The following SYNE2 variants were observed in gnomAD, a reference collection of about 807,000 sequenced individuals.
SYNE2 encodes spectrin repeat containing nuclear envelope protein 2.
A neutral mutation model predicts 856.3 loss-of-function variants in SYNE2; 431 were observed. The observed-to-expected ratio is 0.50, with a 90% CI of 0.47 to 0.55. The LOEUF is 0.55. Ranked by LOEUF, SYNE2 falls within the 20% of genes least tolerant of loss-of-function variation. The probability of loss-of-function intolerance (pLI) is 0.00; values close to 1 mark genes in which losing one functional copy is unlikely to be tolerated. For missense variants in SYNE2, 8,129 were observed against 8,023.2 expected (o/e 1.01, Z -0.50); for synonymous variants, 2,923 against 2,872.3 (o/e 1.02, Z -0.56).
At chr14:63,834,039 C>T (rs1038576350) in intron 1 of SYNE2, among the ~76,000 whole-genome samples, 4 of 152,276 alleles carry the variant, frequency 2.6e-5, no homozygotes, top group African/African-American at 7.2e-5. Context: ...ACAGAAGCTG[C>T]TCTATCTTCC....
chr14:64,095,123 A>T (rs1393202901), intron 61 of SYNE2: 1 of 170,548 alleles, frequency 5.9e-6, no homozygotes. Flanking sequence ...CCTAATGGAC[A>T]GATGTGGGTG....
chr14:63,845,039 T>C (rs1439027861), intron 1 of SYNE2, among the ~76,000 whole-genome samples: 2 of 152,220 alleles, frequency 1.3e-5, no homozygotes, highest in Admixed American at 1.3e-4. Flanking sequence ...ATCTTTATTT[T>C]TTCTAGTAAA....
chr14:64,120,795 A>G lies in SYNE2; in HGVS notation c.13024-132A>G. ...CAAAAACAAAAAATTATAGTATATA[A>G]TTATAGCAAATAACAAAATACCATC... On this transcript the variant is annotated intron_variant, in intron 67 of 115. Transcript: ENST00000555002. 3 of 962,350 alleles carry G rather than the reference A, an allele frequency of 3.1e-6. No individual in the cohort carries two copies. In the East Asian group the frequency reaches 8.0e-5, roughly 26 times the overall value. 59.6% of individuals were successfully genotyped at this position (962,350 alleles called of 1,614,324 possible). A position where few individuals can be genotyped will look rare whatever the true frequency, so the allele number is the denominator to read the frequency against.
At chr14:64,011,699 T>C (rs2096846896) in intron 32 of SYNE2, among the ~76,000 whole-genome samples, 1 of 152,222 alleles carries the variant, frequency 6.6e-6, no homozygotes, top group Admixed American at 6.5e-5. Flanking sequence ...CCTGTTTTGA[T>C]AAGTGTCAGT....
At chr14:63,942,470 C>T (rs1292470098) in intron 6 of SYNE2, among the ~76,000 whole-genome samples, 1 of 152,046 alleles carries the variant, frequency 6.6e-6, no homozygotes, top group Admixed American at 6.6e-5. Context: ...AGATGCGCGC[C>T]ACCATGCCTG....
chr14:63,937,533 G>T (rs1305657414), intron 2 of SYNE2, among the ~76,000 whole-genome samples: 1 of 152,218 alleles, frequency 6.6e-6, no homozygotes, highest in Admixed American at 6.5e-5. Flanking sequence ...CAGGTTGTTA[G>T]ATGAGTGGGT....
At chr14:64,221,131 C>G (rs958008878) in intron 111 of SYNE2, among the ~76,000 whole-genome samples, 2 of 152,080 alleles carry the variant, frequency 1.3e-5, no homozygotes, top group African/African-American at 4.8e-5. Context: ...ATAATCCTAG[C>G]CCAGTACCTG....
intron 34 of SYNE2, among the ~76,000 whole-genome samples, chr14:64,018,979 A>C (rs2096915887): frequency 1.3e-5 from 2 of 152,300 alleles, no homozygotes; most frequent in Non-Finnish European, 2.9e-5. Context: ...TATCATATAA[A>C]TTTGTTGTCA....
chr14:63,831,174 A>G (rs1889654949), intron 1 of SYNE2, among the ~76,000 whole-genome samples: 1 of 151,996 alleles, frequency 6.6e-6, no homozygotes, highest in Non-Finnish European at 1.5e-5. Context: ...TATTTTGGCG[A>G]TGCTCTTGAT....
At chr14:63,946,999 A>C (rs947028901) in intron 6 of SYNE2, among the ~76,000 whole-genome samples, 1 of 151,946 alleles carries the variant, frequency 6.6e-6, no homozygotes, top group African/African-American at 2.4e-5. Context: ...ACAGGTGTAC[A>C]CCACCATGTC....
intron 1 of SYNE2, among the ~76,000 whole-genome samples, chr14:63,835,448 G>A (rs1384743805): frequency 6.6e-6 from 1 of 151,866 alleles, no homozygotes; most frequent in Non-Finnish European, 1.5e-5. Context: ...GGCCAGGCTG[G>A]TCTCAAACTC....
intron 26 of SYNE2, 41 bp downstream of exon 26, chr14:63,998,369 T>C (rs2096728909): frequency 1.5e-6 from 2 of 1,343,860 alleles, no homozygotes; most frequent in East Asian, 2.3e-5. Context: ...CCACCAGAAG[T>C]CTTTCATCGA....
At chr14:63,919,235 A>G (rs142095066) in intron 2 of SYNE2, among the ~76,000 whole-genome samples, 2 of 152,350 alleles carry the variant, frequency 1.3e-5, no homozygotes, top group East Asian at 1.9e-4. Context: ...AGACTAGATT[A>G]TAATCAAGAA....
intron 96 of SYNE2, 140 bp from the exon 97 acceptor site, chr14:64,186,284 C>A: frequency 2.8e-6 from 3 of 1,074,880 alleles, no homozygotes; most frequent in Non-Finnish European, 4.3e-6. Context: ...TCGTCTTGGG[C>A]TGTTTCCCAT....
rs780000526 is a variant in SYNE2 at position 64,080,632 on chromosome 14, G to A, written c.11340G>A (p.Leu3780=). Residue 3780 remains leucine, a synonymous_variant, in exon 56 of 116, where the codon TTG becomes TTA. Transcript: ENST00000555002. ...GAGCAGAGTGTAGAACCTCACAGTT[G>A]AATAAGGTATGGCTGTGACTCGTAA... The part of the protein sequence containing the change: ...SQRAECRTSQ[L]NKATVKMEEY... 7.7e-5 allele frequency: 125 copies of A among 1,613,970 alleles called. 1 individual carries two copies. The South Asian group carries it at 9.9e-4, about 13-fold the overall frequency.
At chr14:64,048,965 CCACAACAATAAA>C (rs1206397271) in intron 46 of SYNE2, 8 of 150,068 alleles carry the variant, frequency 5.3e-5, no homozygotes, top group Admixed American at 5.3e-4. Context: ...AGCTAAGTTT[CCACAACAATAAA>C]CACGCATCTA....
intron 1 of SYNE2, among the ~76,000 whole-genome samples, chr14:63,858,627 A>G (rs1476079515): frequency 6.6e-6 from 1 of 152,052 alleles, no homozygotes; most frequent in Non-Finnish European, 1.5e-5. Flanking sequence ...TGATGGCATT[A>G]ATCCATTAAT....
At chr14:64,225,186 C>G in intron 115 of SYNE2, 133 bp from the exon 116 acceptor site, 1 of 1,556,000 alleles carries the variant, frequency 6.4e-7, no homozygotes, top group South Asian at 1.1e-5. Context: ...TCCTCTGAAA[C>G]TGAACCCCAA....
chr14:64,218,542 G>A (rs750915579), intron 109 of SYNE2, 30 bp downstream of exon 109: 3 of 1,602,228 alleles, frequency 1.9e-6, no homozygotes, highest in Non-Finnish European at 2.6e-6. Context: ...GTCGTCCAGA[G>A]AGGCAGAGTA....
Sources: allele counts gnomAD v4.1 joint callset (sites outside exome capture counted in the v4.1 genomes callset), GRCh38; gene constraint gnomAD v4.1.1; transcripts MANE v1.5; gene names NCBI Gene and HGNC (gene_info 2026-07-23, HGNC 2026-07-21).